RYR3: variants seen among roughly 807,000 people sequenced by gnomAD.
RYR3 encodes the protein ryanodine receptor 3, also known as brain ryanodine receptor-calcium release channel.
RYR3 carries 207 observed loss-of-function variants against 584.3 expected under a neutral mutation model. That is an observed-to-expected ratio of 0.35 (90% CI 0.32 to 0.40). RYR3 has a LOEUF of 0.40. RYR3 is among the 10% of genes least tolerant of loss of function. The pLI is 1.00. For synonymous variants in RYR3, 2,416 were observed against 2,248.5 expected, an observed-to-expected ratio of 1.07 and a Z score of -2.11; for missense variants, 5,616 against 6,089.2, an observed-to-expected ratio of 0.92 and a Z score of 2.59.
chr15:33,452,630 C>A (rs1242006429), intron 1 of RYR3, among the ~76,000 whole-genome samples: 1 of 152,098 alleles, frequency 6.6e-6, no homozygotes, highest in Non-Finnish European at 1.5e-5. Flanking sequence ...TTTACTAACT[C>A]ATTTAATCCT....
At chr15:33,679,320 T>A (rs530218930) in intron 38 of RYR3, among the ~76,000 whole-genome samples, 1 of 152,322 alleles carries the variant, frequency 6.6e-6, no homozygotes, top group African/African-American at 2.4e-5. Context: ...TTTAGTGATG[T>A]GCAGTGATGC....
intron 48 of RYR3, among the ~76,000 whole-genome samples, chr15:33,732,150 G>A (rs537710650): frequency 3.6e-4 from 55 of 152,082 alleles, no homozygotes; most frequent in Admixed American, 1.6e-3. Context: ...GGGAGGCCGA[G>A]GTGGGCAGAT....
intron 60 of RYR3, among the ~76,000 whole-genome samples, chr15:33,766,141 G>T (rs2073037872): frequency 1.3e-5 from 2 of 151,980 alleles, no homozygotes; most frequent in South Asian, 4.2e-4. Context: ...AAAATAGCTG[G>T]GCGTGGTGGC....
chr15:33,635,883 C>A, intron 26 of RYR3, 64 bp downstream of exon 26: 1 of 1,415,304 alleles, frequency 7.1e-7, no homozygotes. Context: ...AAACATTTTT[C>A]TGGAAGCTCA....
intron 1 of RYR3, among the ~76,000 whole-genome samples, chr15:33,471,230 T>C (rs924114296): frequency 6.6e-6 from 1 of 152,148 alleles, no homozygotes. Context: ...AGGTTCCAGA[T>C]AGAATGTGGG....
chr15:33,446,797 A>G (rs955168377), intron 1 of RYR3, among the ~76,000 whole-genome samples: 1 of 152,216 alleles, frequency 6.6e-6, no homozygotes. Context: ...AACTCACTCT[A>G]GTGCAGAAAC....
chr15:33,689,724 T>C (rs2065279975), intron 38 of RYR3, among the ~76,000 whole-genome samples: 1 of 152,234 alleles, frequency 6.6e-6, no homozygotes, highest in South Asian at 2.1e-4. Flanking sequence ...TTCTCTAGTT[T>C]CTTTTGAATA....
rs79148378 is a variant in RYR3, at chr15:33,503,770, T to C, written c.279+32T>C. On this transcript the variant is annotated intron_variant, in intron 3 of 103. Coordinates refer to ENST00000634891, the MANE Select transcript of RYR3 (RefSeq NM_001036.6). ...ACCCGAATTGTGTCCTAGGTTGGGA[T>C]TGGGGTGCACCACATCCCCAAAATA... The C allele has an allele frequency of 4.3e-3, 5,898 of 1,367,404 alleles. 197 individuals carry two copies. In the African/African-American group the frequency reaches 0.075, roughly 17 times the overall value. 84.7% of individuals were successfully genotyped at this position (1,367,404 alleles called of 1,614,324 possible). A position where few individuals can be genotyped will look rare whatever the true frequency, so the allele number is the denominator to read the frequency against.
chr15:33,584,530 G>C, intron 15 of RYR3, 40 bp downstream of exon 15: 1 of 918,490 alleles, frequency 1.1e-6, no homozygotes, highest in Non-Finnish European at 1.7e-6. Context: ...AAAGATGAAG[G>C]GTTTTTTTTT....
intron 1 of RYR3, among the ~76,000 whole-genome samples, chr15:33,369,740 T>G (rs1050405954): frequency 6.6e-6 from 1 of 152,200 alleles, no homozygotes; most frequent in East Asian, 1.9e-4. Flanking sequence ...CCAGCACCTA[T>G]AACAGAGCAT....
intron 1 of RYR3, among the ~76,000 whole-genome samples, chr15:33,425,145 C>T (rs900206238): frequency 2.0e-5 from 3 of 151,326 alleles, no homozygotes; most frequent in African/African-American, 2.4e-5. Context: ...ATCTCCACCG[C>T]GTTTTACTTA....
intron 2 of RYR3, among the ~76,000 whole-genome samples, chr15:33,500,674 G>T (rs1158056031): frequency 6.6e-6 from 1 of 152,166 alleles, no homozygotes; most frequent in Non-Finnish European, 1.5e-5. Context: ...CTTGCCCCGT[G>T]CCTGCCAGGT....
intron 76 of RYR3, 61 bp from the exon 77 acceptor site, chr15:33,819,675 AAAATAAATAAATAAATAAAT>A (rs10631080): frequency 0.12 from 74,952 of 651,702 alleles, 6,948 homozygotes; most frequent in South Asian, 0.19. Flanking sequence ...CTCTGTCTCA[AAAATAAATAAATAAATAAAT>A]AAATAAATAA....
intron 97 of RYR3, 126 bp downstream of exon 97, chr15:33,854,575 T>A: frequency 1.9e-6 from 2 of 1,051,924 alleles, no homozygotes; most frequent in Non-Finnish European, 2.8e-6. Context: ...GCCTTATACG[T>A]GCTGGGGGAA....
intron 12 of RYR3, among the ~76,000 whole-genome samples, chr15:33,569,993 A>G (rs768274310): frequency 3.1e-4 from 47 of 151,996 alleles, no homozygotes; most frequent in East Asian, 1.9e-4. Context: ...TTTTTGCCAT[A>G]TTTATGATTT....
At chr15:33,490,939 C>T (rs1033896036) in intron 2 of RYR3, among the ~76,000 whole-genome samples, 11 of 152,100 alleles carry the variant, frequency 7.2e-5, no homozygotes, top group African/African-American at 1.9e-4. Flanking sequence ...GGGCTTGGCA[C>T]GGAGTTCTCT....
chr15:33,646,276 T>C, intron 28 of RYR3, 75 bp from the exon 29 acceptor site: 1 of 1,340,840 alleles, frequency 7.5e-7, no homozygotes, highest in Non-Finnish European at 1.0e-6. Flanking sequence ...CATGTGCATG[T>C]CCACGAGGGA....
intron 3 of RYR3, among the ~76,000 whole-genome samples, chr15:33,508,606 C>T (rs1821583): frequency 0.29 from 44,107 of 151,990 alleles, 6,904 homozygotes; most frequent in Non-Finnish European, 0.33. Flanking sequence ...GCTGAGATTG[C>T]ACCACTGCAC....
chr15:33,652,109 G>A (rs1184567846), intron 31 of RYR3, among the ~76,000 whole-genome samples: 1 of 152,200 alleles, frequency 6.6e-6, no homozygotes, highest in Non-Finnish European at 1.5e-5. Context: ...AGGCACCTAA[G>A]CTGATGGTTA....
Sources: allele counts gnomAD v4.1 joint callset (sites outside exome capture counted in the v4.1 genomes callset), GRCh38; gene constraint gnomAD v4.1.1; transcripts MANE v1.5; gene names NCBI Gene and HGNC (gene_info 2026-07-23, HGNC 2026-07-21).